Variants in RECK observed in about 807,000 individuals in gnomAD.
RECK encodes the protein reversion-inducing cysteine-rich protein with Kazal motifs.
In RECK, 69 loss-of-function variants were observed where a neutral mutation model predicts 115.1. The observed-to-expected ratio is 0.60, with a 90% CI of 0.49 to 0.73. The LOEUF (loss-of-function observed/expected upper bound fraction) is 0.73, where lower values mean the gene tolerates loss of function less well. Among genes scored for constraint, RECK ranks in the 30% least tolerant of loss-of-function variants. RECK has a pLI of 0.00. For synonymous variants in RECK, 414 were observed against 419.7 expected (o/e 0.99, Z 0.17); for missense variants, 1,047 against 1,203.7 (o/e 0.87, Z 1.93).
At chr9:36,116,236 A>C (rs201767449) in intron 16 of RECK, among the ~76,000 whole-genome samples, 4 of 148,252 alleles carry the variant, frequency 2.7e-5, no homozygotes, top group African/African-American at 5.0e-5. Flanking sequence ...TCAAGCGATT[A>C]TCCTGCCTCA....
At chr9:36,118,641 A>G in intron 17 of RECK, 116 bp from the exon 18 acceptor site, 2 of 999,982 alleles carry the variant, frequency 2.0e-6, no homozygotes, top group Non-Finnish European at 2.9e-6. Context: ...AGGTCCTCAT[A>G]ATTTATACCT....
intron 8 of RECK, among the ~76,000 whole-genome samples, chr9:36,087,012 A>G (rs980161108): frequency 8.5e-5 from 13 of 152,150 alleles, no homozygotes; most frequent in African/African-American, 3.1e-4. Flanking sequence ...CTGGTAATAG[A>G]TACCTTGTCC....
chr9:36,099,224 TCAACAACAA>T (rs60403523), intron 10 of RECK, among the ~76,000 whole-genome samples: 12,912 of 146,884 alleles, frequency 0.088, 701 homozygotes, highest in Middle Eastern at 0.22. Context: ...AGAACCTGTC[TCAACAACAA>T]CAACAACAAC....
At chr9:36,037,190 C>T (rs1242215301) in intron 1 of RECK, 92 bp downstream of exon 1, 1 of 871,500 alleles carries the variant, frequency 1.1e-6, no homozygotes, top group South Asian at 4.6e-5. Context: ...GGGGTGCGCG[C>T]GACCCCCAGA....
chr9:36,117,247 A>G (rs1824302527), intron 17 of RECK, 70 bp downstream of exon 17: 2 of 1,275,358 alleles, frequency 1.6e-6, no homozygotes, highest in Admixed American at 2.4e-5. Flanking sequence ...TTACAGATGA[A>G]TCAACAGTAA....
At chr9:36,079,903 A>G (rs1409850250) in intron 6 of RECK, among the ~76,000 whole-genome samples, 3 of 152,132 alleles carry the variant, frequency 2.0e-5, no homozygotes, top group Non-Finnish European at 4.4e-5. Context: ...TTTTCTGAAC[A>G]ATAATCTAAG....
intron 16 of RECK, among the ~76,000 whole-genome samples, chr9:36,113,167 A>G (rs752020608): frequency 3.9e-5 from 6 of 152,340 alleles, no homozygotes; most frequent in Non-Finnish European, 7.4e-5. Context: ...TGGGGCAGCC[A>G]CCACGGCAGG....
At chr9:36,104,411 T>C (rs900128701) in intron 12 of RECK, among the ~76,000 whole-genome samples, 2 of 135,258 alleles carry the variant, frequency 1.5e-5, no homozygotes, top group Admixed American at 7.8e-5. Flanking sequence ...AGTAGTGCAA[T>C]CTCGGCTCAT....
At chr9:36,099,071 C>G (rs901728066) in intron 10 of RECK, among the ~76,000 whole-genome samples, 1 of 152,022 alleles carries the variant, frequency 6.6e-6, no homozygotes, top group Non-Finnish European at 1.5e-5. Flanking sequence ...AAAGAAAATA[C>G]AAAAATTAAC....
At chr9:36,098,146 T>TA in intron 10 of RECK, among the ~76,000 whole-genome samples, 1 of 152,210 alleles carries the variant, frequency 6.6e-6, no homozygotes, top group East Asian at 1.9e-4. Context: ...AGAGATCTGT[T>TA]ATACAATGTG....
chr9:36,045,596 CTTT>C (rs74741110), intron 1 of RECK, among the ~76,000 whole-genome samples: 1 of 128,404 alleles, frequency 7.8e-6, no homozygotes. Flanking sequence ...TAGAGGGAAT[CTTT>C]TTTTTTTTTT....
rs754984693 is a variant in RECK at position 36,122,946 on chromosome 9, T to A, written c.2817T>A (p.Ser939Arg). ...TTTCCCAGGTACAGGTCTCCAGCAG[T>A]GTGCCATCGGCCGGTGTCAGGGCCA... Reference protein sequence around the residue: ...LIISQVQVSSSVPSAGVRARP... With the variant: ...LIISQVQVSSRVPSAGVRARP... The change falls in exon 21 of 21, where the codon AGT becomes AGA. Residue 939 changes from serine to arginine, a missense_variant. Coordinates refer to ENST00000377966, the MANE Select transcript of RECK (RefSeq NM_021111.3). The A allele has an allele frequency of 5.6e-6, 9 of 1,614,092 alleles. No individual in the cohort carries two copies. The Admixed American group carries it at 1.2e-4, about 21-fold the overall frequency.
At chr9:36,102,939 G>C (rs1240234226) in intron 12 of RECK, among the ~76,000 whole-genome samples, 2 of 147,498 alleles carry the variant, frequency 1.4e-5, no homozygotes, top group Non-Finnish European at 1.5e-5. Context: ...CTGGGCAACA[G>C]AGCAAGACTC....
intron 2 of RECK, 127 bp downstream of exon 2, chr9:36,052,450 T>G (rs1248514249): frequency 6.7e-6 from 4 of 595,488 alleles, no homozygotes; most frequent in African/African-American, 3.7e-5. Context: ...CAGGACAACA[T>G]AGCAAGACCC....
intron 2 of RECK, 101 bp downstream of exon 2, chr9:36,052,424 G>T: frequency 1.2e-6 from 1 of 810,804 alleles, no homozygotes; most frequent in Non-Finnish European, 2.1e-6. Flanking sequence ...CTTAAGGCCA[G>T]GGGTTCAGGA....
chr9:36,112,522 T>TA (rs751225919), intron 16 of RECK, 46 bp downstream of exon 16: 2 of 1,570,662 alleles, frequency 1.3e-6, no homozygotes, highest in South Asian at 2.2e-5. Context: ...GACTAGTACT[T>TA]ACAAAGCATC....
intron 6 of RECK, among the ~76,000 whole-genome samples, chr9:36,067,950 T>G (rs1822074228): frequency 6.6e-6 from 1 of 152,154 alleles, no homozygotes; most frequent in Non-Finnish European, 1.5e-5. Flanking sequence ...TTATCAAAAA[T>G]GCACATGGCT....
chr9:36,088,693 G>T (rs1289038372), intron 9 of RECK, among the ~76,000 whole-genome samples: 1 of 152,186 alleles, frequency 6.6e-6, no homozygotes, highest in African/African-American at 2.4e-5. Context: ...TCAGACTTTG[G>T]TAATTGTCAA....
At chr9:36,070,226 A>C (rs181322552) in intron 6 of RECK, among the ~76,000 whole-genome samples, 177 of 152,344 alleles carry the variant, frequency 1.2e-3, no homozygotes, top group Middle Eastern at 6.8e-3. Flanking sequence ...AATAATTAAA[A>C]CATAGTAACA....
Sources: allele counts gnomAD v4.1 joint callset (sites outside exome capture counted in the v4.1 genomes callset), GRCh38; gene constraint gnomAD v4.1.1; transcripts MANE v1.5; gene names NCBI Gene and HGNC (gene_info 2026-07-23, HGNC 2026-07-21).